Variants in TTF2 observed in about 807,000 individuals in gnomAD.
TTF2 encodes the protein transcription termination factor 2, also known as RNA polymerase II termination factor.
In TTF2, 108 loss-of-function variants were observed where a neutral mutation model predicts 142.4. The observed-to-expected ratio is 0.76, with a 90% CI of 0.65 to 0.89. TTF2 has a LOEUF of 0.89. Ranked by LOEUF, TTF2 falls within the 40% of genes least tolerant of loss-of-function variation. The pLI is 0.00. For synonymous variants in TTF2, 483 were observed against 506.2 expected, an observed-to-expected ratio of 0.95 and a Z score of 0.61; for missense variants, 1,327 against 1,379.8, an observed-to-expected ratio of 0.96 and a Z score of 0.61.
In TTF2 at chr1:117,104,093, T is replaced by C. The variant is rs946308461; in HGVS notation, c.*2569T>C. 2.0e-5 allele frequency: 3 copies of C among 152,198 alleles called. No homozygotes were observed. Among genetic ancestry groups the C allele is most frequent in the African/African-American group, 7.2e-5 (3 of 41,442 alleles). 9.4% of individuals were successfully genotyped at this position (152,198 alleles called of 1,614,324 possible). On this transcript the variant is annotated 3_prime_UTR_variant, in exon 23 of 23. Transcript: ENST00000369466. ...AAATCAAGAAGCAAAGGAAGTAACA[T>C]TGCCTTTTTGAAGTTTTGCTATAAG...
chr1:117,069,983 C>A (rs922188180), intron 3 of TTF2, among the ~76,000 whole-genome samples: 3 of 152,156 alleles, frequency 2.0e-5, no homozygotes, highest in Admixed American at 2.0e-4. Flanking sequence ...GCTTTCTCTG[C>A]GAAAATATAT....
At chr1:117,069,984 G>A (rs921405263) in intron 3 of TTF2, among the ~76,000 whole-genome samples, 4 of 152,140 alleles carry the variant, frequency 2.6e-5, no homozygotes, top group Non-Finnish European at 4.4e-5. Context: ...CTTTCTCTGC[G>A]AAAATATATT....
Position 117,087,642 on chromosome 1 carries a change from G to A in TTF2, c.2160+1120G>A, listed in dbSNP as rs949409244. Among the ~76,000 whole-genome samples, 1 of 152,082 alleles carries A rather than the reference G, an allele frequency of 6.6e-6. No individual in the cohort carries two copies. The highest frequency in any genetic ancestry group is 2.4e-5 in the African/African-American group (1 of 41,396). On this transcript the variant is annotated intron_variant, in intron 12 of 22. Coordinates refer to ENST00000369466, the MANE Select transcript of TTF2 (RefSeq NM_003594.4). The surrounding 1 kb of genome is among the most constrained non-coding windows in gnomAD (Gnocchi z 4.8). Reference sequence around the variant, plus strand: ...CCTACCTGTATGTCGCTCATCTCTTGATGACACCCTGCCCCTCCCTGGGGC... The same window carrying A: ...CCTACCTGTATGTCGCTCATCTCTTAATGACACCCTGCCCCTCCCTGGGGC...
Position 117,088,871 on chromosome 1 carries a change from A to G in TTF2, c.2231A>G (p.Asn744Ser), listed in dbSNP as rs1185263842. The change falls in exon 13 of 23, where the codon AAT becomes AGT. Residue 744 changes from asparagine (N) to serine (S), a missense_variant. Physicochemically the swap from Asn to Ser is conservative, Grantham distance 46. Coordinates refer to ENST00000369466, the MANE Select transcript of TTF2 (RefSeq NM_003594.4). Reference protein sequence around the residue: ...IILDEAHNVKNPRVQTSIAVC... With the variant: ...IILDEAHNVKSPRVQTSIAVC... ...TTGGATGAAGCTCACAATGTTAAGA[A>G]TCCCCGAGTGCAGACTTCCATAGCT... 1 of 1,614,152 alleles carries G rather than the reference A, an allele frequency of 6.2e-7. No homozygotes were observed. The highest frequency in any genetic ancestry group is 1.7e-5 in the Admixed American group (1 of 60,014).
At position 117,078,099 on chromosome 1, in the gene TTF2, A is replaced by T. The variant is rs1489928043; in HGVS notation, c.1701+56A>T. On this transcript the variant is annotated intron_variant, in intron 8 of 22. Transcript: ENST00000369466. ...TCTATGACAGTGCTCCAGCAGCCCCATGAAACTGCTGGCAGAGAGACTTTC... is the reference window on the plus strand; with the variant it reads ...TCTATGACAGTGCTCCAGCAGCCCCTTGAAACTGCTGGCAGAGAGACTTTC... 1.5e-5 allele frequency: 24 copies of T among 1,585,338 alleles called. No individual in the cohort carries two copies. In the Admixed American group the frequency reaches 4.1e-4, roughly 27 times the overall value.
At chr1:117,078,868 G>A (rs1042493528) in intron 8 of TTF2, among the ~76,000 whole-genome samples, 2 of 152,182 alleles carry the variant, frequency 1.3e-5, no homozygotes, top group African/African-American at 4.8e-5. Context: ...GCAGAAAGGA[G>A]AGGCAAATTT....
Position 117,090,039 on chromosome 1 carries a change from T to C in TTF2, c.2343-16T>C, listed in dbSNP as rs1361661545. 6 of 1,610,930 alleles carry C rather than the reference T, an allele frequency of 3.7e-6. No homozygotes were observed. In the African/African-American group the frequency reaches 5.3e-5, roughly 14 times the overall value. On this transcript the variant is annotated splice_polypyrimidine_tract_variant and intron_variant, in intron 13 of 22. Transcript: ENST00000369466. The surrounding 1 kb of genome is among the most constrained non-coding windows in gnomAD (Gnocchi z 4.8). Reference sequence around the variant, plus strand: ...TTTCCTTCCCTACTCTGTGCCCTTCTTCCTCAACAAAAAAGGTTTCTCCGT... The same window carrying C: ...TTTCCTTCCCTACTCTGTGCCCTTCCTCCTCAACAAAAAAGGTTTCTCCGT...
intron 3 of TTF2, among the ~76,000 whole-genome samples, chr1:117,067,769 C>G (rs1422488366): frequency 6.6e-6 from 1 of 152,198 alleles, no homozygotes; most frequent in Non-Finnish European, 1.5e-5. Flanking sequence ...CTTTCCCTCA[C>G]ATACTCTGGG....
chr1:117,061,905 A>G (rs1655714158), intron 2 of TTF2, among the ~76,000 whole-genome samples: 1 of 152,226 alleles, frequency 6.6e-6, no homozygotes. Flanking sequence ...TGTTATATAT[A>G]TTTAAATTTT....
intron 19 of TTF2, 25 bp from the exon 20 acceptor site, chr1:117,096,124 T>G (rs752435759): frequency 6.2e-7 from 1 of 1,613,398 alleles, no homozygotes. Context: ...GTTAGGGTAT[T>G]TTTTTATTTT....
rs1647288268 is a variant in TTF2 at position 117,079,379 on chromosome 1, G to A, written c.1702-189G>A. On this transcript the variant is annotated intron_variant, in intron 8 of 22. Transcript: ENST00000369466. This position sits in a 1 kb window ranked among gnomAD's most constrained non-coding sequence, Gnocchi z 4.2. ...TAGATGCAACCCAAAACAAACAGGG[G>A]CAGACCAGGACAGTATGGTTACCCT... 6.6e-6 allele frequency among the ~76,000 whole-genome samples: 1 copy of A among 152,132 alleles called. No homozygotes were observed. Among genetic ancestry groups the A allele is most frequent in the East Asian group, 1.9e-4 (1 of 5,196 alleles).
chr1:117,074,804 G>A (rs1365971539), intron 4 of TTF2, 66 bp from the exon 5 acceptor site: 17 of 1,401,682 alleles, frequency 1.2e-5, no homozygotes, highest in Non-Finnish European at 1.6e-5. Flanking sequence ...AGATGAAAAG[G>A]AAAGGCATTC....
At position 117,091,323 on chromosome 1, in the gene TTF2, G is replaced by T. The variant is rs1384608350; in HGVS notation, c.2589-5G>T. ...TGCATTTTTTTTCTTTTTAATCTGAGGCAGGTCAGCTCTGCAATCCTATCT... is the reference window on the plus strand; with the variant it reads ...TGCATTTTTTTTCTTTTTAATCTGATGCAGGTCAGCTCTGCAATCCTATCT... On this transcript the variant is annotated splice_region_variant and splice_polypyrimidine_tract_variant and intron_variant, in intron 15 of 22. Coordinates refer to ENST00000369466, the MANE Select transcript of TTF2 (RefSeq NM_003594.4). 6.2e-7 allele frequency: 1 copy of T among 1,606,978 alleles called. No individual in the cohort carries two copies. Among genetic ancestry groups the T allele is most frequent in the Non-Finnish European group, 8.5e-7 (1 of 1,178,414 alleles).
At position 117,075,127 on chromosome 1, in the gene TTF2, C is replaced by G. The variant is rs751596722; in HGVS notation, c.543C>G (p.Gly181=). The G allele has an allele frequency of 1.9e-6, 3 of 1,613,874 alleles. No homozygotes were observed. The highest frequency in any genetic ancestry group is 4.5e-5 in the East Asian group (2 of 44,884). ...TGATGGAGAAAGACCTCTCATCTGGCCTGGTACCAAAGAAAAAACAATCTG... is the reference window on the plus strand; with the variant it reads ...TGATGGAGAAAGACCTCTCATCTGGGCTGGTACCAAAGAAAAAACAATCTG... The part of the protein sequence containing the change: ...PEMMEKDLSS[G]LVPKKKQSVV... The change falls in exon 5 of 23, where the codon GGC becomes GGG. Residue 181 remains glycine, a synonymous_variant. Coordinates refer to ENST00000369466, the MANE Select transcript of TTF2 (RefSeq NM_003594.4). This position sits in a 1 kb window ranked among gnomAD's most constrained non-coding sequence, Gnocchi z 4.5.
rs758094600 is a variant in TTF2 at position 117,105,256 on chromosome 1, A to C, written c.*3732A>C. The C allele has an allele frequency of 6.6e-6, 1 of 152,214 alleles. No individual in the cohort carries two copies. Among genetic ancestry groups the C allele is most frequent in the Non-Finnish European group, 1.5e-5 (1 of 68,032 alleles). 9.4% of individuals were successfully genotyped at this position (152,214 alleles called of 1,614,324 possible). On this transcript the variant is annotated 3_prime_UTR_variant, in exon 23 of 23. Coordinates refer to ENST00000369466, the MANE Select transcript of TTF2 (RefSeq NM_003594.4). The surrounding 1 kb of genome is among the most constrained non-coding windows in gnomAD (Gnocchi z 4.7). ...ACCAGATGGTGAACATCTGTCTCCA[A>C]AGTGCAACATTCCTGAGCACCGGAT...
At position 117,100,835 on chromosome 1, in the gene TTF2, T is replaced by G. The variant is rs572621526; in HGVS notation, c.3345-545T>G. On this transcript the variant is annotated intron_variant, in intron 22 of 22. Coordinates refer to ENST00000369466, the MANE Select transcript of TTF2 (RefSeq NM_003594.4). This position sits in a 1 kb window ranked among gnomAD's most constrained non-coding sequence, Gnocchi z 4.6. ...CAGGTCATATTATTGTTTATTTTCA[T>G]GTTTGTCTCGCTTTTGTTCTGCTTT... is the stretch of plus-strand genomic sequence containing the variant. Among the ~76,000 whole-genome samples the G allele has an allele frequency of 6.6e-6, 1 of 152,240 alleles. No individual in the cohort carries two copies. Among genetic ancestry groups the G allele is most frequent in the Non-Finnish European group, 1.5e-5 (1 of 68,040 alleles).
In TTF2 at chr1:117,084,158, C is replaced by T. The variant is rs151107295; in HGVS notation, c.2044C>T (p.Arg682Cys). 64 of 1,614,220 alleles carry T rather than the reference C, an allele frequency of 4.0e-5. No homozygotes were observed. In the African/African-American group the frequency reaches 5.9e-4, roughly 15 times the overall value. The change falls in exon 11 of 23, where the codon CGT becomes TGT. Residue 682 changes from arginine to cysteine, a missense_variant. Arg to Cys is a radical substitution (Grantham distance 180). Transcript: ENST00000369466. Reference sequence around the variant, plus strand: ...CTACCATGGGCCAAACCGGGATTCACGTGCCAGAGTGTAAGTGCAGGAATA... The same window carrying T: ...CTACCATGGGCCAAACCGGGATTCATGTGCCAGAGTGTAAGTGCAGGAATA... ...YLYHGPNRDS[R>C]ARVLSTYDIV...
intron 3 of TTF2, among the ~76,000 whole-genome samples, chr1:117,066,817 C>T (rs1656177506): frequency 6.6e-6 from 1 of 150,820 alleles, no homozygotes; most frequent in Non-Finnish European, 1.5e-5. Flanking sequence ...ATTCTCGTGT[C>T]TCAGCCTCCC....
rs151246088 is a variant in TTF2 at position 117,080,806 on chromosome 1, C to T, written c.1784-1022C>T. ...GGCAGAATCCAGGGGAAACCAGGTA[C>T]AAGCTTCCAGTGTCCTCCCAGTGGA... On this transcript the variant is annotated intron_variant, in intron 9 of 22. Coordinates refer to ENST00000369466, the MANE Select transcript of TTF2 (RefSeq NM_003594.4). The surrounding 1 kb of genome is among the most constrained non-coding windows in gnomAD (Gnocchi z 4.3). Among the ~76,000 whole-genome samples, 344 of 152,328 alleles carry T rather than the reference C, an allele frequency of 2.3e-3. 1 individual carries two copies. Among genetic ancestry groups the T allele is most frequent in the African/African-American group, 7.9e-3 (327 of 41,580 alleles).
Sources: allele counts gnomAD v4.1 joint callset (sites outside exome capture counted in the v4.1 genomes callset), GRCh38; gene constraint gnomAD v4.1.1; non-coding constraint Gnocchi (gnomAD v3.1); transcripts MANE v1.5; gene names NCBI Gene and HGNC (gene_info 2026-07-23, HGNC 2026-07-21).